The following ANKHD1 variants were observed in gnomAD, a reference collection of about 807,000 sequenced individuals.
The protein encoded by ANKHD1 is ankyrin repeat and KH domain-containing protein 1.
A neutral mutation model predicts 230.5 loss-of-function variants in ANKHD1; 31 were observed. That is an observed-to-expected ratio of 0.13 (90% CI 0.10 to 0.18). The LOEUF is 0.18. ANKHD1 is among the 10% of genes least tolerant of loss of function. ANKHD1 has a pLI of 1.00. For synonymous variants in ANKHD1, 1,074 were observed against 1,117.6 expected (o/e 0.96, Z 0.78); for missense variants, 2,256 against 3,071.3 (o/e 0.73, Z 6.27).
At chr5:140,419,167 G>A (rs1771659048) in intron 1 of ANKHD1, among the ~76,000 whole-genome samples, 1 of 150,334 alleles carries the variant, frequency 6.7e-6, no homozygotes, top group Non-Finnish European at 1.5e-5. Flanking sequence ...AGCCATTCTA[G>A]TGAGTGTGAG....
At chr5:140,446,441 A>G (rs1774288435) in intron 6 of ANKHD1, among the ~76,000 whole-genome samples, 1 of 152,154 alleles carries the variant, frequency 6.6e-6, no homozygotes, top group Admixed American at 6.5e-5. Context: ...GCCCACTGCA[A>G]CCTCTGCCTC....
chr5:140,485,520 T>C lies in ANKHD1; in HGVS notation c.1999-69T>C. The C allele has an allele frequency of 6.3e-7, 1 of 1,588,760 alleles. No homozygotes were observed. The highest frequency in any genetic ancestry group is 8.6e-7 in the Non-Finnish European group (1 of 1,168,958). ...TGCTTAGTATTTAATACTGTTTAAATGAGTTTTGATTTTATATGAGCTGCT... is the reference window on the plus strand; with the variant it reads ...TGCTTAGTATTTAATACTGTTTAAACGAGTTTTGATTTTATATGAGCTGCT... On this transcript the variant is annotated intron_variant, in intron 12 of 33. Coordinates refer to ENST00000360839, the MANE Select transcript of ANKHD1 (RefSeq NM_017747.3). This position sits in a 1 kb window ranked among gnomAD's most constrained non-coding sequence, Gnocchi z 4.8.
intron 1 of ANKHD1, among the ~76,000 whole-genome samples, chr5:140,414,947 C>G (rs182144048): frequency 3.3e-5 from 5 of 152,132 alleles, no homozygotes; most frequent in African/African-American, 9.6e-5. Flanking sequence ...AAATATTTGC[C>G]TTCATTCTGT....
intron 3 of ANKHD1, among the ~76,000 whole-genome samples, chr5:140,439,503 C>T (rs563929932): frequency 6.6e-6 from 1 of 152,194 alleles, no homozygotes; most frequent in East Asian, 1.9e-4. Flanking sequence ...AAACGCATCT[C>T]TCCTAAAAAT....
intron 5 of ANKHD1, among the ~76,000 whole-genome samples, chr5:140,444,090 C>CTT (rs34081847): frequency 1.6e-5 from 1 of 62,586 alleles, no homozygotes. Flanking sequence ...CCCCCCCCCC[C>CTT]TTTTTTTTTT....
At chr5:140,488,499 TC>T (rs1751608658) in intron 14 of ANKHD1, among the ~76,000 whole-genome samples, 2 of 151,302 alleles carry the variant, frequency 1.3e-5, no homozygotes, top group Admixed American at 1.3e-4. Context: ...GGCAGGAGAA[TC>T]GCTTGAAGCC....
At chr5:140,406,648 GAT>G (rs1191618207) in intron 1 of ANKHD1, among the ~76,000 whole-genome samples, 2 of 151,228 alleles carry the variant, frequency 1.3e-5, no homozygotes, top group African/African-American at 4.9e-5. Context: ...GCATTCAAGT[GAT>G]TCTCCTGCCT....
At chr5:140,492,721 A>G (rs1401300107) in intron 14 of ANKHD1, among the ~76,000 whole-genome samples, 1 of 152,206 alleles carries the variant, frequency 6.6e-6, no homozygotes. Flanking sequence ...TAAGTTTTAT[A>G]GACAAAACCA....
Position 140,482,637 on chromosome 5 carries a change from T to G in ANKHD1, c.1840T>G (p.Leu614Val). ...GATGAAAGCTGCAAGAGCTGGTCATTTGTGCACTGTGCAGTTTCTTATTAG... is the reference window on the plus strand; with the variant it reads ...GATGAAAGCTGCAAGAGCTGGTCATGTGTGCACTGTGCAGTTTCTTATTAG... ...PLMKAARAGH[L>V]CTVQFLISKG... Residue 614 changes from leucine to valine, a missense_variant, in exon 11 of 34, where the codon TTG becomes GTG. Transcript: ENST00000360839. 6.2e-7 allele frequency: 1 copy of G among 1,613,168 alleles called. No individual in the cohort carries two copies. Among genetic ancestry groups the G allele is most frequent in the Non-Finnish European group, 8.5e-7 (1 of 1,179,610 alleles).
chr5:140,496,790 A>G lies in ANKHD1; in HGVS notation c.2516A>G (p.Gln839Arg). Residue 839 changes from glutamine (Q) to arginine (R), a missense_variant, in exon 15 of 34, where the codon CAG (glutamine) becomes CGG (arginine). Transcript: ENST00000360839. Reference protein sequence around the residue: ...QKKKKILKELQKVERQLQMKT... With the variant: ...QKKKKILKELRKVERQLQMKT... ...AAGAAGAAAATATTGAAAGAACTGC[A>G]GAAAGTGGAAAGGCAGTTGCAGATG... 2.5e-6 allele frequency: 4 copies of G among 1,614,108 alleles called. No individual in the cohort carries two copies. The highest frequency in any genetic ancestry group is 3.4e-6 in the Non-Finnish European group (4 of 1,180,028).
chr5:140,450,574 C>T (rs1774653278), intron 7 of ANKHD1, among the ~76,000 whole-genome samples: 1 of 152,052 alleles, frequency 6.6e-6, no homozygotes, highest in African/African-American at 2.4e-5. Context: ...GACTCTCACT[C>T]TGTTGCCCAG....
Position 140,401,965 on chromosome 5 carries a change from A to T in ANKHD1, c.-3A>T. On this transcript the variant is annotated 5_prime_UTR_variant, in exon 1 of 34. Coordinates refer to ENST00000360839, the MANE Select transcript of ANKHD1 (RefSeq NM_017747.3). The stretch of plus-strand genomic sequence containing the variant: ...GCACCGTCTCCGGCTCCGGGTGCGA[A>T]CAATGCTGACTGATAGCGGAGGCGG... 1 of 1,566,986 alleles carries T rather than the reference A, an allele frequency of 6.4e-7. No homozygotes were observed. The highest frequency in any genetic ancestry group is 8.6e-7 in the Non-Finnish European group (1 of 1,161,270).
chr5:140,410,815 A>T (rs1407779070), intron 1 of ANKHD1, among the ~76,000 whole-genome samples: 1 of 152,184 alleles, frequency 6.6e-6, no homozygotes, highest in East Asian at 1.9e-4. Flanking sequence ...TATTTTATTT[A>T]ATCGTTTCAT....
At chr5:140,510,236 C>A (rs1752697005) in intron 22 of ANKHD1, 55 bp downstream of exon 22, 3 of 1,508,182 alleles carry the variant, frequency 2.0e-6, no homozygotes, top group Non-Finnish European at 2.7e-6. Context: ...AAGTTAAAAC[C>A]ATGTGAGAAA....
rs1226599029 is a variant in ANKHD1, at chr5:140,527,150, TAATG to T, written c.5087+80_5087+83del. 3 of 1,453,940 alleles carry T rather than the reference TAATG, an allele frequency of 2.1e-6. No individual in the cohort carries two copies. The highest frequency in any genetic ancestry group is 2.7e-6 in the Non-Finnish European group (3 of 1,098,048). The allele number at this position is 1,453,940 out of a possible 1,614,324, so 90.1% of individuals were successfully genotyped here. A position where few individuals can be genotyped will look rare whatever the true frequency, so the allele number is the denominator to read the frequency against. Reference sequence around the variant, plus strand: ...CATGTGAGATGGCTACCTAGTTAATTAATGAATAATTTGAATGTGGTTATTATTT... The same window carrying T: ...CATGTGAGATGGCTACCTAGTTAATTAATAATTTGAATGTGGTTATTATTT... On this transcript the variant is annotated intron_variant, in intron 27 of 33. Transcript: ENST00000360839. The surrounding 1 kb of genome is among the most constrained non-coding windows in gnomAD (Gnocchi z 4.5).
intron 1 of ANKHD1, among the ~76,000 whole-genome samples, chr5:140,424,219 T>TAA (rs1054255388): frequency 6.7e-6 from 1 of 149,550 alleles, no homozygotes; most frequent in Non-Finnish European, 1.5e-5. Context: ...TATATATATA[T>TAA]AGAGAGAGAG....
chr5:140,496,443 C>CTTTTTTTTTTTTTTT, intron 14 of ANKHD1, 77 bp from the exon 15 acceptor site: 1 of 718,958 alleles, frequency 1.4e-6, no homozygotes, highest in Admixed American at 4.9e-5. Flanking sequence ...GGCTGGTTTT[C>CTTTTTTTTTTTTTTT]TTTTTTTTTT....
In ANKHD1 at chr5:140,500,641, T is replaced by A. The variant is rs1356845314; in HGVS notation, c.3004+3363T>A. Among the ~76,000 whole-genome samples the A allele has an allele frequency of 4.0e-5, 4 of 100,156 alleles. No individual in the cohort carries two copies. In the South Asian group the frequency reaches 1.1e-3, roughly 28 times the overall value. The allele number at this position is 100,156 out of a possible 152,430, so 65.7% of individuals were successfully genotyped here. A position where few individuals can be genotyped will look rare whatever the true frequency, so the allele number is the denominator to read the frequency against. ...CCAGCATGGGGCAACAGAGCGAGAC[T>A]CTGTCTCAAAAAAAAAAAAAAAAAA... On this transcript the variant is annotated intron_variant, in intron 15 of 33. Transcript: ENST00000360839.
chr5:140,413,391 A>G (rs1206550685), intron 1 of ANKHD1, among the ~76,000 whole-genome samples: 1 of 152,222 alleles, frequency 6.6e-6, no homozygotes, highest in Non-Finnish European at 1.5e-5. Flanking sequence ...TGTACAGTTC[A>G]GTGGCATTAA....
Sources: allele counts gnomAD v4.1 joint callset (sites outside exome capture counted in the v4.1 genomes callset), GRCh38; gene constraint gnomAD v4.1.1; non-coding constraint Gnocchi (gnomAD v3.1); transcripts MANE v1.5; gene names NCBI Gene and HGNC (gene_info 2026-07-23, HGNC 2026-07-21).